VCPIP1: variants seen among roughly 807,000 people sequenced by gnomAD.
The protein encoded by VCPIP1 is valosin containing protein interacting protein 1, also known as deubiquitinating protein VCPIP1.
Under a neutral mutation model 85.0 loss-of-function variants are expected in VCPIP1, and 8 were observed. The ratio of observed to expected loss-of-function variants is 0.09; its 90% confidence interval spans 0.06 to 0.17. VCPIP1 has a LOEUF of 0.17. VCPIP1 is among the 10% of genes least tolerant of loss of function. The pLI, the probability that VCPIP1 is intolerant of heterozygous loss-of-function variation, is 1.00. For synonymous variants in VCPIP1, 543 were observed against 544.5 expected (o/e 1.00, Z 0.04); for missense variants, 1,070 against 1,486.3 (o/e 0.72, Z 4.61).
intron 1 of VCPIP1, among the ~76,000 whole-genome samples, chr8:66,659,178 C>A (rs1055515515): frequency 6.6e-6 from 1 of 150,762 alleles, no homozygotes; most frequent in Non-Finnish European, 1.5e-5. Context: ...AGAAAACCTA[C>A]AAATAACTGA....
At position 66,628,963 on chromosome 8, in the gene VCPIP1, T is replaced by G. The variant is rs1416427894; in HGVS notation, c.*5538A>C. On this transcript the variant is annotated 3_prime_UTR_variant, in exon 3 of 3. Transcript: ENST00000310421. ...AGATTCTCAGTGTTGCACATGGTCA[T>G]AAATGTTTGAATGTACAACCCCCCA... The G allele has an allele frequency of 6.6e-6, 1 of 152,210 alleles. No individual in the cohort carries two copies. Among genetic ancestry groups the G allele is most frequent in the Admixed American group, 6.5e-5 (1 of 15,278 alleles). 9.4% of individuals were successfully genotyped at this position (152,210 alleles called of 1,614,324 possible). A position where few individuals can be genotyped will look rare whatever the true frequency, so the allele number is the denominator to read the frequency against.
chr8:66,650,726 A>G (rs1033663830), intron 2 of VCPIP1, among the ~76,000 whole-genome samples: 3 of 152,006 alleles, frequency 2.0e-5, no homozygotes, highest in African/African-American at 4.8e-5. Context: ...TGATTTCACA[A>G]TTTGTCTTTA....
chr8:66,641,509 G>A (rs1810947802), intron 2 of VCPIP1, among the ~76,000 whole-genome samples: 1 of 152,108 alleles, frequency 6.6e-6, no homozygotes, highest in Admixed American at 6.5e-5. Context: ...ACAGGCATGA[G>A]CTACTGTGCA....
Position 66,665,740 on chromosome 8 carries a change from C to G in VCPIP1, c.1219G>C (p.Asp407His). Residue 407 changes from aspartate (D) to histidine (H), a missense_variant, in exon 1 of 3, where the codon GAT becomes CAT. Asp to His is a moderately conservative substitution (Grantham distance 81). This residue lies in a region of VCPIP1 where 83 missense variants were observed against 134.6 expected (regional missense o/e 0.62). Coordinates refer to ENST00000310421, the MANE Select transcript of VCPIP1 (RefSeq NM_025054.5). This position sits in a 1 kb window ranked among gnomAD's most constrained non-coding sequence, Gnocchi z 4.3. Reference protein sequence around the residue: ...CVIGGDRSLQDKYLLRLVAAM... With the variant: ...CVIGGDRSLQHKYLLRLVAAM... The stretch of plus-strand genomic sequence containing the variant: ...GCAACAAGCCTAAGTAAGTATTTAT[C>G]TTGCAAACTTCTGTCACCTCCAATA... 3 of 1,614,174 alleles carry G rather than the reference C, an allele frequency of 1.9e-6. No homozygotes were observed. Among genetic ancestry groups the G allele is most frequent in the South Asian group, 2.2e-5 (2 of 91,080 alleles).
intron 2 of VCPIP1, among the ~76,000 whole-genome samples, chr8:66,637,950 C>T (rs921237222): frequency 7.9e-5 from 12 of 152,240 alleles, no homozygotes; most frequent in African/African-American, 2.2e-4. Context: ...CCAGCCAGGG[C>T]GACAGAGCGA....
At position 66,634,358 on chromosome 8, in the gene VCPIP1, T is replaced by G. The variant is rs539806832; in HGVS notation, c.*143A>C. ...TAAAAGCTATGGCCAATCACACACT[T>G]GCTATCATGCACTGAATAACAAGAT... On this transcript the variant is annotated 3_prime_UTR_variant, in exon 3 of 3. Coordinates refer to ENST00000310421, the MANE Select transcript of VCPIP1 (RefSeq NM_025054.5). 1.4e-5 allele frequency: 13 copies of G among 945,460 alleles called. No individual in the cohort carries two copies. The East Asian group carries it at 3.0e-4, about 22-fold the overall frequency. The allele number at this position is 945,460 out of a possible 1,614,324, so 58.6% of individuals were successfully genotyped here. A position where few individuals can be genotyped will look rare whatever the true frequency, so the allele number is the denominator to read the frequency against.
In VCPIP1 at chr8:66,665,165, C is replaced by G; in HGVS notation, c.1794G>C (p.Trp598Cys). 6.2e-7 allele frequency: 1 copy of G among 1,611,920 alleles called. No individual in the cohort carries two copies. Among genetic ancestry groups the G allele is most frequent in the Non-Finnish European group, 8.5e-7 (1 of 1,178,634 alleles). ...LPEAFPITLE[W>C]GGRVVRETVY... ...CTGTTTCTCTGACCACTCTTCCACC[C>G]CATTCTAAAGTAATAGGGAAAGCTT... Residue 598 changes from tryptophan to cysteine, a missense_variant, in exon 1 of 3, where the codon TGG becomes TGC. By Grantham distance (215) the Trp-to-Cys change is radical (BLOSUM62 -2). Coordinates refer to ENST00000310421, the MANE Select transcript of VCPIP1 (RefSeq NM_025054.5). This position sits in a 1 kb window ranked among gnomAD's most constrained non-coding sequence, Gnocchi z 4.3.
chr8:66,651,631 C>A, intron 1 of VCPIP1, 87 bp from the exon 2 acceptor site: 1 of 1,042,018 alleles, frequency 9.6e-7, no homozygotes, highest in Admixed American at 2.2e-5. Context: ...CTAGAATAAA[C>A]ATCAAGGCAG....
At chr8:66,663,999 A>G (rs1013190959) in intron 1 of VCPIP1, among the ~76,000 whole-genome samples, 2 of 152,206 alleles carry the variant, frequency 1.3e-5, no homozygotes, top group African/African-American at 4.8e-5. Flanking sequence ...CAATTGCAAG[A>G]ATAAGATATA....
chr8:66,637,502 AG>A (rs1478171655), intron 2 of VCPIP1, among the ~76,000 whole-genome samples: 1 of 143,458 alleles, frequency 7.0e-6, no homozygotes, highest in Admixed American at 7.0e-5. Flanking sequence ...AAAAAAAAAA[AG>A]ATATACTTTA....
intron 1 of VCPIP1, among the ~76,000 whole-genome samples, chr8:66,662,792 C>A (rs1188802756): frequency 6.6e-6 from 1 of 151,800 alleles, no homozygotes; most frequent in Non-Finnish European, 1.5e-5. Flanking sequence ...AGCGATTCTC[C>A]TGCCTCAGCC....
At chr8:66,647,948 A>ATATATTTTTTATATTT (rs537513608) in intron 2 of VCPIP1, among the ~76,000 whole-genome samples, 2 of 151,758 alleles carry the variant, frequency 1.3e-5, no homozygotes, top group Non-Finnish European at 2.9e-5. Context: ...ACTATTTTTT[A>ATATATTTTTTATATTT]TATATTTTTT....
At chr8:66,647,740 C>T (rs752239259) in intron 2 of VCPIP1, among the ~76,000 whole-genome samples, 2 of 152,076 alleles carry the variant, frequency 1.3e-5, no homozygotes, top group Non-Finnish European at 2.9e-5. Context: ...GCCTTTTCAA[C>T]AAATGGTGCT....
Position 66,664,231 on chromosome 8 carries a change from G to C in VCPIP1, c.2710+18C>G. 6.5e-7 allele frequency: 1 copy of C among 1,529,030 alleles called. No homozygotes were observed. Among genetic ancestry groups the C allele is most frequent in the Non-Finnish European group, 8.8e-7 (1 of 1,137,128 alleles). 94.7% of individuals were successfully genotyped at this position (1,529,030 alleles called of 1,614,324 possible). On this transcript the variant is annotated intron_variant, in intron 1 of 2. Coordinates refer to ENST00000310421, the MANE Select transcript of VCPIP1 (RefSeq NM_025054.5). ...TATTTACAATTAAGATATACCATCA[G>C]AATTAAATTCATCTTACCCATTAAT...
rs553588517 is a variant in VCPIP1, at chr8:66,630,841, A to G, written c.*3660T>C. ...AATGGTAGAACTTGTAATTAACTCT[A>G]TAACTTACATGGGTGATATAGTTCC... is the stretch of plus-strand genomic sequence containing the variant. On this transcript the variant is annotated 3_prime_UTR_variant, in exon 3 of 3. Coordinates refer to ENST00000310421, the MANE Select transcript of VCPIP1 (RefSeq NM_025054.5). 36 of 152,568 alleles carry G rather than the reference A, an allele frequency of 2.4e-4. No homozygotes were observed. The highest frequency in any genetic ancestry group is 5.0e-4 in the Non-Finnish European group (34 of 67,982). The allele number at this position is 152,568 out of a possible 1,614,324, so 9.5% of individuals were successfully genotyped here.
rs1810831222 is a variant in VCPIP1 at position 66,631,183 on chromosome 8, T to G, written c.*3318A>C. Reference sequence around the variant, plus strand: ...ATAAAACTCAAAATCTGTGTAGTATTTTAAGTATGAACCAATTGAAATTAC... The same window carrying G: ...ATAAAACTCAAAATCTGTGTAGTATGTTAAGTATGAACCAATTGAAATTAC... On this transcript the variant is annotated 3_prime_UTR_variant, in exon 3 of 3. Transcript: ENST00000310421. 1 of 152,134 alleles carries G rather than the reference T, an allele frequency of 6.6e-6. No homozygotes were observed. The highest frequency in any genetic ancestry group is 2.4e-5 in the African/African-American group (1 of 41,442). The allele number at this position is 152,134 out of a possible 1,614,324, so 9.4% of individuals were successfully genotyped here.
chr8:66,650,860 CAA>C (rs770736039), intron 2 of VCPIP1, among the ~76,000 whole-genome samples: 164 of 13,884 alleles, frequency 0.012, no homozygotes, highest in African/African-American at 0.035. Flanking sequence ...GACTTCGTCT[CAA>C]AAAAAAAAAA....
intron 2 of VCPIP1, among the ~76,000 whole-genome samples, chr8:66,651,185 CA>C (rs896750189): frequency 0.15 from 7,629 of 51,160 alleles, 426 homozygotes; most frequent in African/African-American, 0.32. Context: ...AATTCCATCT[CA>C]AAAAAAAAAA....
At chr8:66,658,195 G>T (rs1811118277) in intron 1 of VCPIP1, among the ~76,000 whole-genome samples, 1 of 151,958 alleles carries the variant, frequency 6.6e-6, no homozygotes, top group Non-Finnish European at 1.5e-5. Context: ...TTAGCCAGGT[G>T]TTGTGGCAGG....
Sources: allele counts gnomAD v4.1 joint callset (sites outside exome capture counted in the v4.1 genomes callset), GRCh38; gene constraint gnomAD v4.1.1; regional missense constraint gnomAD v4.1.1; non-coding constraint Gnocchi (gnomAD v3.1); transcripts MANE v1.5; gene names NCBI Gene and HGNC (gene_info 2026-07-23, HGNC 2026-07-21).